RB1CC1: variants seen among roughly 807,000 people sequenced by gnomAD.
RB1CC1 encodes RB1-inducible coiled-coil protein 1.
RB1CC1 carries 46 observed loss-of-function variants against 177.5 expected under a neutral mutation model. The ratio of observed to expected loss-of-function variants is 0.26; its 90% CI spans 0.20 to 0.33. The LOEUF (loss-of-function observed/expected upper bound fraction) is 0.33. RB1CC1 is among the 10% of genes least tolerant of loss of function. The probability of loss-of-function intolerance (pLI) is 1.00; values close to 1 mark genes in which losing one functional copy is unlikely to be tolerated. For synonymous variants in RB1CC1, 666 were observed against 613.6 expected, an observed-to-expected ratio of 1.09 and a Z score of -1.26; for missense variants, 1,703 against 1,816.3, an observed-to-expected ratio of 0.94 and a Z score of 1.13.
intron 1 of RB1CC1, among the ~76,000 whole-genome samples, chr8:52,703,130 G>GGA (rs1856234713): frequency 6.6e-6 from 1 of 151,062 alleles, no homozygotes; most frequent in East Asian, 1.9e-4. Flanking sequence ...AAAAAAAAAA[G>GGA]TAATCAACTT....
chr8:52,659,879 C>A (rs1017412325), intron 12 of RB1CC1, among the ~76,000 whole-genome samples: 1 of 152,148 alleles, frequency 6.6e-6, no homozygotes, highest in Non-Finnish European at 1.5e-5. Context: ...CACCTCTAGT[C>A]CCAGCTACTT....
chr8:52,651,000 T>C (rs1850526237), intron 15 of RB1CC1, among the ~76,000 whole-genome samples: 1 of 152,108 alleles, frequency 6.6e-6, no homozygotes, highest in Admixed American at 6.6e-5. Flanking sequence ...ATTGCTACAC[T>C]CAAATTGCCA....
At chr8:52,688,362 G>A (rs1854475979) in intron 1 of RB1CC1, among the ~76,000 whole-genome samples, 1 of 152,156 alleles carries the variant, frequency 6.6e-6, no homozygotes, top group Admixed American at 6.5e-5. Flanking sequence ...CCCTGGGAAA[G>A]GAATGCATTC....
At position 52,642,822 on chromosome 8, in the gene RB1CC1, G is replaced by A. The variant is rs766575761; in HGVS notation, c.3988-10C>T. 3 of 1,524,634 alleles carry A rather than the reference G, an allele frequency of 2.0e-6. No homozygotes were observed. The highest frequency in any genetic ancestry group is 2.3e-5 in the East Asian group (1 of 43,750). The allele number at this position is 1,524,634 out of a possible 1,614,324, so 94.4% of individuals were successfully genotyped here. On this transcript the variant is annotated splice_polypyrimidine_tract_variant and intron_variant, in intron 16 of 23. Coordinates refer to ENST00000025008, the MANE Select transcript of RB1CC1 (RefSeq NM_014781.5). The stretch of plus-strand genomic sequence containing the variant: ...CAGTGTTAAAATTGGTCTGGAACAA[G>A]AGAATAATTATTTAAATTTATCTAC...
intron 5 of RB1CC1, among the ~76,000 whole-genome samples, chr8:52,680,541 C>A (rs995142715): frequency 2.0e-5 from 3 of 152,144 alleles, no homozygotes; most frequent in Non-Finnish European, 2.9e-5. Context: ...ACAGATTTAA[C>A]ACTGTCAAAG....
intron 12 of RB1CC1, among the ~76,000 whole-genome samples, chr8:52,659,560 A>C (rs1851419431): frequency 6.6e-6 from 1 of 152,148 alleles, no homozygotes; most frequent in Non-Finnish European, 1.5e-5. Flanking sequence ...TTACTCAAGC[A>C]GATGTGGAGA....
At chr8:52,658,210 A>G (rs1851254134) in intron 13 of RB1CC1, 86 bp from the exon 14 acceptor site, 2 of 1,332,966 alleles carry the variant, frequency 1.5e-6, no homozygotes. Flanking sequence ...TATGTCAAAA[A>G]TAACAAGAGC....
At chr8:52,706,090 C>T (rs962661984) in intron 1 of RB1CC1, among the ~76,000 whole-genome samples, 1 of 151,738 alleles carries the variant, frequency 6.6e-6, no homozygotes, top group African/African-American at 2.4e-5. Flanking sequence ...TTACTTTCTC[C>T]CAGTTCTTTT....
intron 22 of RB1CC1, among the ~76,000 whole-genome samples, chr8:52,626,211 C>T (rs912437385): frequency 1.3e-5 from 2 of 152,140 alleles, no homozygotes; most frequent in African/African-American, 2.4e-5. Context: ...TAGCATGATC[C>T]CAACTGGCAT....
intron 6 of RB1CC1, 128 bp from the exon 7 acceptor site, chr8:52,674,402 T>G (rs1027133061): frequency 3.8e-6 from 3 of 781,148 alleles, no homozygotes; most frequent in Non-Finnish European, 6.2e-6. Context: ...TATACATACA[T>G]AAACTAGTCT....
Position 52,623,592 on chromosome 8 carries a change from C to A in RB1CC1, c.*190G>T. 1 of 618,934 alleles carries A rather than the reference C, an allele frequency of 1.6e-6. No individual in the cohort carries two copies. Among genetic ancestry groups the A allele is most frequent in the South Asian group, 1.7e-5 (1 of 60,554 alleles). 38.3% of individuals were successfully genotyped at this position (618,934 alleles called of 1,614,324 possible). A position where few individuals can be genotyped will look rare whatever the true frequency, so the allele number is the denominator to read the frequency against. On this transcript the variant is annotated 3_prime_UTR_variant, in exon 24 of 24. Coordinates refer to ENST00000025008, the MANE Select transcript of RB1CC1 (RefSeq NM_014781.5). Reference sequence around the variant, plus strand: ...AAAAACAAAAACCATTTTAATTCAGCCAAGGATTCTGATGAATTTATTATT... The same window carrying A: ...AAAAACAAAAACCATTTTAATTCAGACAAGGATTCTGATGAATTTATTATT...
At position 52,642,685 on chromosome 8, in the gene RB1CC1, A is replaced by T. The variant is rs1442667185; in HGVS notation, c.4096+19T>A. ...TCCACTTTAAAAAATTAAAAAAAAT[A>T]GTACAAAACAGTACAAACCTTTATC... On this transcript the variant is annotated intron_variant, in intron 17 of 23. Coordinates refer to ENST00000025008, the MANE Select transcript of RB1CC1 (RefSeq NM_014781.5). 3 of 1,564,420 alleles carry T rather than the reference A, an allele frequency of 1.9e-6. No homozygotes were observed. The highest frequency in any genetic ancestry group is 2.6e-6 in the Non-Finnish European group (3 of 1,161,410).
At position 52,661,406 on chromosome 8, in the gene RB1CC1, T is replaced by C. The variant is rs1381474619; in HGVS notation, c.1359-125A>G. 18 of 1,457,098 alleles carry C rather than the reference T, an allele frequency of 1.2e-5. No individual in the cohort carries two copies. The East Asian group carries it at 4.0e-4, about 32-fold the overall frequency. 90.3% of individuals were successfully genotyped at this position (1,457,098 alleles called of 1,614,324 possible). On this transcript the variant is annotated intron_variant, in intron 9 of 23. Coordinates refer to ENST00000025008, the MANE Select transcript of RB1CC1 (RefSeq NM_014781.5). ...AGATATATAAGCTCTACAAAAATAG[T>C]CTAATTCCAAAGTTCATCAATAAGG...
rs1852879434 is a variant in RB1CC1, at chr8:52,674,293, T to C, written c.573-19A>G. ...TCCTAAACTTAAAATACAAAAGATC[T>C]GTCAGTAAAACTATGAGACTGCTCT... On this transcript the variant is annotated intron_variant, in intron 6 of 23. Transcript: ENST00000025008. 4 of 1,558,742 alleles carry C rather than the reference T, an allele frequency of 2.6e-6. No homozygotes were observed. The highest frequency in any genetic ancestry group is 3.5e-6 in the Non-Finnish European group (4 of 1,131,694).
At chr8:52,661,914 C>T (rs550276496) in intron 8 of RB1CC1, among the ~76,000 whole-genome samples, 195 bp from the exon 9 acceptor site, 1 of 151,906 alleles carries the variant, frequency 6.6e-6, no homozygotes, top group Non-Finnish European at 1.5e-5. Flanking sequence ...GAATCCTATG[C>T]TCATCTTTAA....
At chr8:52,684,046 TTA>T in intron 3 of RB1CC1, 33 bp from the exon 4 acceptor site, 1 of 1,590,342 alleles carries the variant, frequency 6.3e-7, no homozygotes, top group Non-Finnish European at 8.6e-7. Flanking sequence ...AATCAGTTGT[TTA>T]TATTTGCCCA....
chr8:52,631,433 C>T lies in RB1CC1; in HGVS notation c.4441-905G>A, dbSNP rs73595477. 5.5e-3 allele frequency among the ~76,000 whole-genome samples: 831 copies of T among 152,228 alleles called. 7 individuals carry two copies. The highest frequency in any genetic ancestry group is 0.019 in the African/African-American group (799 of 41,548). Reference sequence around the variant, plus strand: ...AGAAGTATAATGCAGCAAGCAAAGACACCTGGTGACCATCAAACAGGCCAT... The same window carrying T: ...AGAAGTATAATGCAGCAAGCAAAGATACCTGGTGACCATCAAACAGGCCAT... On this transcript the variant is annotated intron_variant, in intron 20 of 23. Coordinates refer to ENST00000025008, the MANE Select transcript of RB1CC1 (RefSeq NM_014781.5).
chr8:52,680,988 G>T (rs1563431907), intron 5 of RB1CC1, among the ~76,000 whole-genome samples: 2 of 122,532 alleles, frequency 1.6e-5, no homozygotes, highest in African/African-American at 7.7e-5. Context: ...GTGTGTGTGT[G>T]TGTGTGTTTT....
At chr8:52,630,440 GA>G in intron 21 of RB1CC1, 29 bp downstream of exon 21, 1 of 1,532,186 alleles carries the variant, frequency 6.5e-7, no homozygotes, top group South Asian at 1.3e-5. Flanking sequence ...GTTTTTCACA[GA>G]AAAATACTCA....
Sources: allele counts gnomAD v4.1 joint callset (sites outside exome capture counted in the v4.1 genomes callset), GRCh38; gene constraint gnomAD v4.1.1; transcripts MANE v1.5; gene names NCBI Gene and HGNC (gene_info 2026-07-23, HGNC 2026-07-21).